SLIT3: variants seen among roughly 807,000 people sequenced by gnomAD.
The protein encoded by SLIT3 is slit homolog 3 protein.
Under a neutral mutation model 184.0 loss-of-function variants are expected in SLIT3, and 68 were observed. That is an observed-to-expected ratio of 0.37 (90% CI 0.30 to 0.45). SLIT3 has a LOEUF of 0.45. SLIT3 is among the 20% of genes least tolerant of loss of function. The pLI is 1.00. For missense variants in SLIT3, 1,707 were observed against 2,026.0 expected (o/e 0.84, Z 3.02); for synonymous variants, 831 against 828.6 (o/e 1.00, Z -0.05).
chr5:169,005,940 T>C (rs980959824), intron 4 of SLIT3, among the ~76,000 whole-genome samples: 2 of 152,226 alleles, frequency 1.3e-5, no homozygotes, highest in Non-Finnish European at 2.9e-5. Context: ...AGTTTATACT[T>C]TCCCCAAAAT....
intron 4 of SLIT3, among the ~76,000 whole-genome samples, chr5:169,106,618 G>A (rs1329163735): frequency 6.6e-6 from 1 of 152,064 alleles, no homozygotes; most frequent in Non-Finnish European, 1.5e-5. Context: ...CTCAATCTTT[G>A]TCTCAGTTCT....
intron 5 of SLIT3, among the ~76,000 whole-genome samples, chr5:168,855,671 T>C (rs1455733758): frequency 1.3e-5 from 2 of 152,010 alleles, no homozygotes; most frequent in Non-Finnish European, 2.9e-5. Context: ...CCAGAACAGG[T>C]AAATTCATAG....
chr5:169,036,278 G>A (rs947333564), intron 4 of SLIT3: 2 of 152,172 alleles, frequency 1.3e-5, no homozygotes, highest in Non-Finnish European at 2.9e-5. Context: ...ACACCCAGCA[G>A]ACTTCAGTTT....
chr5:168,900,040 T>C (rs760658210), intron 4 of SLIT3, among the ~76,000 whole-genome samples: 39 of 152,320 alleles, frequency 2.6e-4, no homozygotes, highest in Non-Finnish European at 5.3e-4. Context: ...CCAGAATATA[T>C]ACCTAAAAAC....
At chr5:169,248,224 G>A (rs1432448415) in intron 2 of SLIT3, among the ~76,000 whole-genome samples, 4 of 151,996 alleles carry the variant, frequency 2.6e-5, no homozygotes, top group Non-Finnish European at 5.9e-5. Context: ...TCTCCTCTAC[G>A]TTTCTCTTAA....
intron 4 of SLIT3, chr5:169,036,137 A>T (rs1373903263): frequency 5.9e-5 from 9 of 152,216 alleles, no homozygotes; most frequent in Admixed American, 5.9e-4. Context: ...GTAGCCATTA[A>T]CATGGAAAGA....
intron 4 of SLIT3, among the ~76,000 whole-genome samples, chr5:168,971,814 C>T (rs1222825324): frequency 6.6e-6 from 1 of 152,248 alleles, no homozygotes; most frequent in Non-Finnish European, 1.5e-5. Flanking sequence ...CTCTCACCCT[C>T]CCTCCCTTGA....
At position 169,111,018 on chromosome 5, in the gene SLIT3, C is replaced by T. The variant is rs115485447; in HGVS notation, c.413+82461G>A. Reference sequence around the variant, plus strand: ...CCACAAGCCTTTGCCCTCTCTGCAACGGCCTTACTGACTTTCAGTTTTTCA... The same window carrying T: ...CCACAAGCCTTTGCCCTCTCTGCAATGGCCTTACTGACTTTCAGTTTTTCA... On this transcript the variant is annotated intron_variant, in intron 4 of 35. Coordinates refer to ENST00000519560, the MANE Select transcript of SLIT3 (RefSeq NM_003062.4). 1.4e-3 allele frequency among the ~76,000 whole-genome samples: 212 copies of T among 152,320 alleles called. 1 individual carries two copies. The highest frequency in any genetic ancestry group is 4.8e-3 in the African/African-American group (198 of 41,576).
rs1444795635 is a variant in SLIT3 at position 169,225,969 on chromosome 5, A to AAGTCCTT, written c.341+18735_341+18736insAAGGACT. 3.3e-5 allele frequency among the ~76,000 whole-genome samples: 5 copies of AAGTCCTT among 152,134 alleles called. No individual in the cohort carries two copies. In the East Asian group the frequency reaches 9.6e-4, roughly 29 times the overall value. On this transcript the variant is annotated intron_variant, in intron 3 of 35. Transcript: ENST00000519560. Reference sequence around the variant, plus strand: ...AGTGGAAGCAGACAGGGAAGAGAGGAGGTCTGCAGTCCTTTGAGCAAGAGA... The same window carrying AAGTCCTT: ...AGTGGAAGCAGACAGGGAAGAGAGGAAGTCCTTGGTCTGCAGTCCTTTGAGCAAGAGA...
chr5:168,941,018 C>T (rs1486850412), intron 4 of SLIT3, among the ~76,000 whole-genome samples: 1 of 152,180 alleles, frequency 6.6e-6, no homozygotes, highest in Non-Finnish European at 1.5e-5. Context: ...AGGACTTGGA[C>T]AATGAAAACC....
chr5:169,291,122 A>G (rs1172360643), intron 1 of SLIT3, among the ~76,000 whole-genome samples: 1 of 152,140 alleles, frequency 6.6e-6, no homozygotes, highest in Non-Finnish European at 1.5e-5. Context: ...TATGGCCGTG[A>G]TAAGTGCAGT....
At chr5:168,764,394 A>G (rs1755260765) in intron 14 of SLIT3, among the ~76,000 whole-genome samples, 1 of 152,212 alleles carries the variant, frequency 6.6e-6, no homozygotes, top group African/African-American at 2.4e-5. Context: ...CAGGTCACTC[A>G]GTCTGCGCAG....
At chr5:169,109,575 T>C (rs780079010) in intron 4 of SLIT3, among the ~76,000 whole-genome samples, 10 of 152,224 alleles carry the variant, frequency 6.6e-5, no homozygotes, top group Admixed American at 1.3e-4. Context: ...CAACTTATTA[T>C]AGGGCAATTG....
At chr5:168,972,336 CAT>C (rs1491452880) in intron 4 of SLIT3, among the ~76,000 whole-genome samples, 5 of 39,776 alleles carry the variant, frequency 1.3e-4, no homozygotes, top group East Asian at 9.7e-4. Flanking sequence ...TGCAGGACAA[CAT>C]GTGTGTGTGT....
At chr5:169,121,403 C>T (rs1400194052) in intron 4 of SLIT3, among the ~76,000 whole-genome samples, 2 of 152,220 alleles carry the variant, frequency 1.3e-5, no homozygotes, top group Non-Finnish European at 2.9e-5. Context: ...GAACCCGCCC[C>T]TGCAACCAGC....
chr5:168,752,544 A>G (rs11746188), intron 18 of SLIT3: 63,530 of 175,098 alleles, frequency 0.36, 12,460 homozygotes, highest in African/African-American at 0.5. Context: ...ACGGATACTC[A>G]CCACCATAAC....
At chr5:168,812,346 A>G (rs1226712285) in intron 8 of SLIT3, among the ~76,000 whole-genome samples, 1 of 152,228 alleles carries the variant, frequency 6.6e-6, no homozygotes, top group Non-Finnish European at 1.5e-5. Context: ...TAACTAGAAG[A>G]GAGCATTTTG....
Position 169,136,833 on chromosome 5 carries a change from C to G in SLIT3, c.413+56646G>C, listed in dbSNP as rs1033943471. Among the ~76,000 whole-genome samples the G allele has an allele frequency of 3.9e-5, 6 of 152,122 alleles. No individual in the cohort carries two copies. In the South Asian group the frequency reaches 1.0e-3, roughly 26 times the overall value. On this transcript the variant is annotated intron_variant, in intron 4 of 35. Transcript: ENST00000519560. ...AAGACTGGGGATCTGGGACCCACTT[C>G]TGCTTTTAGGCCTCTGGACTTTAGA...
chr5:168,860,935 T>C (rs928010505), intron 5 of SLIT3, among the ~76,000 whole-genome samples: 20 of 152,188 alleles, frequency 1.3e-4, no homozygotes, highest in Non-Finnish European at 1.5e-5. Flanking sequence ...CTCTCATTTC[T>C]AGGGACCTGT....
Sources: gnomAD v4.1 joint callset for allele counts (sites outside exome capture counted in the v4.1 genomes callset) on GRCh38, gnomAD v4.1.1 for gene constraint, MANE v1.5 for transcripts, NCBI Gene and HGNC (gene_info 2026-07-23, HGNC 2026-07-21) for gene names.